Variants in CCDC191 observed in about 807,000 individuals in gnomAD.
The protein encoded by CCDC191 is coiled-coil domain containing 191, also known as coiled-coil domain-containing protein 191.
In CCDC191, 99 loss-of-function variants were observed where a neutral mutation model predicts 114.0. The ratio of observed to expected loss-of-function variants is 0.87; its 90% CI spans 0.74 to 1.03. The LOEUF is 1.03. CCDC191 is among the 50% of genes least tolerant of loss of function. The pLI is 0.00. For missense variants in CCDC191, 973 were observed against 1,087.0 expected, an observed-to-expected ratio of 0.90 and a Z score of 1.47; for synonymous variants, 351 against 376.0, an observed-to-expected ratio of 0.93 and a Z score of 0.77.
chr3:114,002,384 A>AGGTTTC, intron 12 of CCDC191, 72 bp downstream of exon 12: 1 of 1,119,130 alleles, frequency 8.9e-7, no homozygotes, highest in Non-Finnish European at 1.3e-6. Flanking sequence ...TGAAAAAGCA[A>AGGTTTC]GGTTTCATTT....
At chr3:114,016,099 C>T (rs908459754) in intron 8 of CCDC191, among the ~76,000 whole-genome samples, 2 of 152,140 alleles carry the variant, frequency 1.3e-5, no homozygotes, top group East Asian at 1.9e-4. Context: ...CACACGTCAG[C>T]GAGGGGAGCT....
At chr3:114,033,083 TTTC>T (rs1283836287) in intron 6 of CCDC191, among the ~76,000 whole-genome samples, 2 of 143,928 alleles carry the variant, frequency 1.4e-5, no homozygotes, top group South Asian at 2.1e-4. Context: ...GTCATCCATA[TTTC>T]TTTTTTTTTT....
intron 13 of CCDC191, among the ~76,000 whole-genome samples, chr3:113,983,570 T>G (rs1443882586): frequency 6.6e-6 from 1 of 152,134 alleles, no homozygotes; most frequent in Admixed American, 6.6e-5. Context: ...TTCCACCAAC[T>G]ATACCACTCT....
chr3:114,020,055 G>T (rs1345279216), intron 7 of CCDC191, among the ~76,000 whole-genome samples: 2 of 152,170 alleles, frequency 1.3e-5, no homozygotes, highest in Non-Finnish European at 2.9e-5. Context: ...TAACCTCATA[G>T]AAAGTGACTT....
intron 2 of CCDC191, among the ~76,000 whole-genome samples, chr3:114,047,702 A>T (rs1208463613): frequency 6.6e-6 from 1 of 152,022 alleles, no homozygotes; most frequent in African/African-American, 2.4e-5. Flanking sequence ...AAAGCTGGGC[A>T]CGGTGGCTCA....
intron 16 of CCDC191, among the ~76,000 whole-genome samples, chr3:113,977,279 G>T (rs201177079): frequency 2.0e-5 from 3 of 152,128 alleles, no homozygotes; most frequent in Non-Finnish European, 1.5e-5. Flanking sequence ...ACAGAGTAAT[G>T]TTGAGAAAAG....
chr3:113,998,393 C>T (rs540955969), intron 13 of CCDC191, among the ~76,000 whole-genome samples: 23 of 151,438 alleles, frequency 1.5e-4, no homozygotes, highest in Non-Finnish European at 2.9e-4. Context: ...GCATCGCTAT[C>T]ATAGGAGATG....
At position 113,965,048 on chromosome 3, in the gene CCDC191, C is replaced by T. The variant is rs531212298; in HGVS notation, c.*107G>A. ...ATAATTCCTTTGATCTAAGAAGTAG[C>T]TCGTAGAGAATAAACCAGGTGTATG... On this transcript the variant is annotated 3_prime_UTR_variant, in exon 17 of 17. Transcript: ENST00000295878. 3.5e-6 allele frequency: 2 copies of T among 578,878 alleles called. No individual in the cohort carries two copies. The highest frequency in any genetic ancestry group is 5.8e-6 in the Non-Finnish European group (2 of 344,664). The allele number at this position is 578,878 out of a possible 1,614,324, so 35.9% of individuals were successfully genotyped here. A position where few individuals can be genotyped will look rare whatever the true frequency, so the allele number is the denominator to read the frequency against.
At chr3:114,027,448 T>G (rs1014296326) in intron 7 of CCDC191, among the ~76,000 whole-genome samples, 4 of 37,314 alleles carry the variant, frequency 1.1e-4, no homozygotes, top group African/African-American at 4.5e-4. Context: ...ACTCCGTCTC[T>G]ACTAAAGATA....
chr3:113,976,954 A>G (rs936418570), intron 16 of CCDC191, among the ~76,000 whole-genome samples: 5 of 152,118 alleles, frequency 3.3e-5, no homozygotes, highest in African/African-American at 1.2e-4. Flanking sequence ...CTGTTTTCCC[A>G]CTCCACTGAT....
intron 4 of CCDC191, among the ~76,000 whole-genome samples, chr3:114,037,978 G>A (rs2076509717): frequency 6.6e-6 from 1 of 152,142 alleles, no homozygotes; most frequent in Admixed American, 6.5e-5. Flanking sequence ...GTGTAGGAGT[G>A]GAACGATTGG....
At chr3:114,053,190 T>C (rs938835400) in intron 2 of CCDC191, among the ~76,000 whole-genome samples, 5 of 152,230 alleles carry the variant, frequency 3.3e-5, no homozygotes, top group African/African-American at 9.6e-5. Context: ...TTGGATGGAC[T>C]AGTCATTAGA....
At chr3:113,985,425 A>G (rs1040892305) in intron 13 of CCDC191, among the ~76,000 whole-genome samples, 2 of 152,150 alleles carry the variant, frequency 1.3e-5, no homozygotes, top group African/African-American at 4.8e-5. Flanking sequence ...TCCAGAGGGA[A>G]GGTCTTTAAG....
At chr3:113,981,000 A>G (rs142888937) in intron 13 of CCDC191, among the ~76,000 whole-genome samples, 15 of 152,298 alleles carry the variant, frequency 9.8e-5, no homozygotes, top group Non-Finnish European at 1.6e-4. Flanking sequence ...TGAGTCTACA[A>G]GAATCAGGGC....
intron 11 of CCDC191, chr3:114,003,318 G>A (rs2075888980): frequency 2.1e-5 from 21 of 985,198 alleles, no homozygotes; most frequent in African/African-American, 7.0e-5. Context: ...AGTTCCTTGT[G>A]CCATATTTTA....
At chr3:113,965,756 A>AT (rs993873411) in intron 16 of CCDC191, among the ~76,000 whole-genome samples, 62 of 148,378 alleles carry the variant, frequency 4.2e-4, no homozygotes, top group African/African-American at 1.3e-3. Flanking sequence ...TGCCTGGCTA[A>AT]TTTTTTTTTT....
In CCDC191 at chr3:113,980,713, C is replaced by A. The variant is rs374610112; in HGVS notation, c.2244G>T (p.Leu748Phe). 1.9e-6 allele frequency: 3 copies of A among 1,609,044 alleles called. No individual in the cohort carries two copies. The African/African-American group carries it at 4.0e-5, about 22-fold the overall frequency. The change falls in exon 14 of 17, where the codon TTG becomes TTT. Residue 748 changes from leucine (L) to phenylalanine (F), a missense_variant. Transcript: ENST00000295878. ...AIAKEHYERV[L>F]LRKKGLEPWK... ...AAGGCTCTAGACCTTTTTTCCTTAGCAAGACCCTTTCATAATGTTCTTTGG... is the reference window on the plus strand; with the variant it reads ...AAGGCTCTAGACCTTTTTTCCTTAGAAAGACCCTTTCATAATGTTCTTTGG...
chr3:113,986,532 C>G (rs947860750), intron 13 of CCDC191, among the ~76,000 whole-genome samples: 1 of 152,078 alleles, frequency 6.6e-6, no homozygotes, highest in South Asian at 2.1e-4. Context: ...ATATCATATT[C>G]GAACTGCTAA....
In CCDC191 at chr3:114,024,585, C is replaced by T. The variant is rs184888996; in HGVS notation, c.973-5717G>A. 1.1e-3 allele frequency among the ~76,000 whole-genome samples: 170 copies of T among 152,088 alleles called. 3 individuals carry two copies. The highest frequency in any genetic ancestry group is 3.9e-3 in the African/African-American group (162 of 41,454). ...TGAAGCTGGAAACCATCATTCTCAGCAAACTATCGCAAGGACAAAAAACCA... is the reference window on the plus strand; with the variant it reads ...TGAAGCTGGAAACCATCATTCTCAGTAAACTATCGCAAGGACAAAAAACCA... On this transcript the variant is annotated intron_variant, in intron 7 of 16. Transcript: ENST00000295878.
Sources: gnomAD v4.1 joint callset for allele counts (sites outside exome capture counted in the v4.1 genomes callset) on GRCh38, gnomAD v4.1.1 for gene constraint, MANE v1.5 for transcripts, NCBI Gene and HGNC (gene_info 2026-07-23, HGNC 2026-07-21) for gene names.